The following REG4 variants were observed in gnomAD, a reference collection of about 807,000 sequenced individuals.
REG4 encodes the protein regenerating family member 4.
REG4 carries 16 observed loss-of-function variants against 22.3 expected under a neutral mutation model. The ratio of observed to expected loss-of-function variants is 0.72; its 90% confidence interval spans 0.49 to 1.09. The LOEUF (loss-of-function observed/expected upper bound fraction) is 1.09. Among genes scored for constraint, REG4 ranks in the 50% least tolerant of loss-of-function variants. The pLI, the probability that REG4 is intolerant of heterozygous loss-of-function variation, is 0.00. For synonymous variants in REG4, 71 were observed against 69.2 expected (o/e 1.03, Z -0.13); for missense variants, 214 against 193.9 (o/e 1.10, Z -0.61).
intron 2 of REG4, 70 bp downstream of exon 2, chr1:119,808,633 G>T (rs587772457): frequency 2.1e-4 from 233 of 1,089,460 alleles, no homozygotes; most frequent in Admixed American, 4.6e-4. Context: ...TGGGCAAATG[G>T]ATGACTGTCT....
intron 4 of REG4, 60 bp downstream of exon 4, chr1:119,799,665 A>C (rs1654039057): frequency 9.4e-6 from 15 of 1,589,960 alleles, no homozygotes; most frequent in Admixed American, 1.7e-5. Context: ...GCCATTCCCC[A>C]AAAAGAGGAT....
At chr1:119,803,525 C>T (rs587671338) in intron 2 of REG4, among the ~76,000 whole-genome samples, 1 of 152,302 alleles carries the variant, frequency 6.6e-6, no homozygotes, top group East Asian at 1.9e-4. Flanking sequence ...CAGTGGGTCC[C>T]CTGAACCCAT....
intron 2 of REG4, among the ~76,000 whole-genome samples, chr1:119,806,385 T>C (rs1350825744): frequency 3.3e-5 from 5 of 152,170 alleles, no homozygotes; most frequent in African/African-American, 7.2e-5. Flanking sequence ...AGACATCGTG[T>C]CCCAGGATCC....
intron 3 of REG4, among the ~76,000 whole-genome samples, chr1:119,800,066 T>A (rs1265649418): frequency 1.3e-5 from 2 of 152,134 alleles, no homozygotes; most frequent in Non-Finnish European, 2.9e-5. Flanking sequence ...AAAGAGGCAG[T>A]ACAAGGCCAG....
intron 3 of REG4, chr1:119,802,052 T>C (rs981845604): frequency 6.6e-5 from 10 of 152,386 alleles, no homozygotes; most frequent in African/African-American, 1.9e-4. Flanking sequence ...TCTTCCTCTT[T>C]GTTCCCTCTG....
chr1:119,804,007 C>T (rs947498237), intron 2 of REG4, among the ~76,000 whole-genome samples: 5 of 152,160 alleles, frequency 3.3e-5, no homozygotes, highest in Admixed American at 3.3e-4. Flanking sequence ...GCTTTTCCTG[C>T]TAGTCCATTG....
chr1:119,798,499 T>C lies in REG4; in HGVS notation c.407A>G (p.Asn136Ser). Residue 136 changes from asparagine (N) to serine (S), a missense_variant and splice_region_variant, in exon 5 of 6, where the codon AAC (asparagine) becomes AGC (serine). Coordinates refer to ENST00000256585, the MANE Select transcript of REG4 (RefSeq NM_032044.4). ...AGGGGTGGTGCATTATAACTTACTG[T>C]TATTGGAGCTCATCTCAGCACAGTG... ...NKHCAEMSSN[N>S]NFLTWSSNEC... is the part of the protein sequence containing the mutation. 6.2e-7 allele frequency: 1 copy of C among 1,612,610 alleles called. No homozygotes were observed. Among genetic ancestry groups the C allele is most frequent in the Non-Finnish European group, 8.5e-7 (1 of 1,178,620 alleles).
chr1:119,798,138 C>T (rs1175697495), intron 5 of REG4, among the ~76,000 whole-genome samples: 1 of 152,240 alleles, frequency 6.6e-6, no homozygotes, highest in East Asian at 1.9e-4. Flanking sequence ...CTGTTTTCAC[C>T]ACATATATTT....
intron 1 of REG4, among the ~76,000 whole-genome samples, chr1:119,810,144 A>C (rs1571074853): frequency 6.6e-6 from 1 of 152,146 alleles, no homozygotes; most frequent in African/African-American, 2.4e-5. Context: ...ATTTTCAAAA[A>C]TATTGTTATT....
At chr1:119,795,373 G>C (rs1653905721) in intron 5 of REG4, among the ~76,000 whole-genome samples, 1 of 152,212 alleles carries the variant, frequency 6.6e-6, no homozygotes, top group Non-Finnish European at 1.5e-5. Context: ...GAGGCTCTAA[G>C]AAGCTCCTGT....
At chr1:119,808,413 A>G (rs969203441) in intron 2 of REG4, among the ~76,000 whole-genome samples, 6 of 152,236 alleles carry the variant, frequency 3.9e-5, no homozygotes, top group Non-Finnish European at 7.3e-5. Context: ...GCTAGGCAAC[A>G]GGTGTTTCAA....
intron 3 of REG4, 135 bp from the exon 4 acceptor site, chr1:119,799,997 C>T (rs1227042813): frequency 2.2e-5 from 25 of 1,141,944 alleles, no homozygotes; most frequent in Non-Finnish European, 3.0e-5. Context: ...CTAAGCCCCA[C>T]AGAAGGCTTC....
chr1:119,803,804 C>T (rs1044379835), intron 2 of REG4, among the ~76,000 whole-genome samples: 1 of 152,070 alleles, frequency 6.6e-6, no homozygotes, highest in Non-Finnish European at 1.5e-5. Context: ...GGAACTTGAG[C>T]ATAGGTGGGC....
Position 119,808,782 on chromosome 1 carries a change from C to T in REG4, c.-13G>A. On this transcript the variant is annotated 5_prime_UTR_variant, in exon 2 of 6. Coordinates refer to ENST00000256585, the MANE Select transcript of REG4 (RefSeq NM_032044.4). ...TTCTGGAAGCCATCTTCCTCCTACCCTGAGGATGTAGCTAGTGCAAGGATC... is the reference window on the plus strand; with the variant it reads ...TTCTGGAAGCCATCTTCCTCCTACCTTGAGGATGTAGCTAGTGCAAGGATC... 6.2e-7 allele frequency: 1 copy of T among 1,605,320 alleles called. No homozygotes were observed. The highest frequency in any genetic ancestry group is 8.5e-7 in the Non-Finnish European group (1 of 1,172,300).
chr1:119,795,034 G>A (rs587633613), intron 5 of REG4, among the ~76,000 whole-genome samples: 4 of 152,318 alleles, frequency 2.6e-5, no homozygotes, highest in South Asian at 2.1e-4. Context: ...ATTAAGTCCT[G>A]CAAGAATTTC....
intron 2 of REG4, among the ~76,000 whole-genome samples, chr1:119,807,119 T>A (rs1466842772): frequency 6.6e-6 from 1 of 152,190 alleles, no homozygotes; most frequent in Admixed American, 6.5e-5. Context: ...ACTCACTGAA[T>A]CAATGCCATG....
At chr1:119,798,071 C>T (rs1653983579) in intron 5 of REG4, among the ~76,000 whole-genome samples, 1 of 152,114 alleles carries the variant, frequency 6.6e-6, no homozygotes, top group Admixed American at 6.6e-5. Context: ...CAGGCAAAGA[C>T]CGGCCTTCCA....
At position 119,794,676 on chromosome 1, in the gene REG4, G is replaced by A; in HGVS notation, c.419C>T (p.Thr140Ile). ...CTTGTTGCATTCGTTGCTGCTCCAA[G>A]TTAAAAAGTCTGTAAGAAAATAAAC... is the stretch of plus-strand genomic sequence containing the variant. The part of the protein sequence containing the change: ...AEMSSNNNFL[T>I]WSSNECNKRQ... Residue 140 changes from threonine (T) to isoleucine (I), a missense_variant, in exon 6 of 6, where the codon ACT becomes ATT. Transcript: ENST00000256585. 2 of 1,613,990 alleles carry A rather than the reference G, an allele frequency of 1.2e-6. No homozygotes were observed. The highest frequency in any genetic ancestry group is 1.7e-6 in the Non-Finnish European group (2 of 1,179,852).
At chr1:119,806,072 C>T (rs920949443) in intron 2 of REG4, among the ~76,000 whole-genome samples, 1 of 152,300 alleles carries the variant, frequency 6.6e-6, no homozygotes, top group African/African-American at 2.4e-5. Flanking sequence ...GCTGGGACTA[C>T]AGGCGAGCAC....
Sources: allele counts gnomAD v4.1 joint callset (sites outside exome capture counted in the v4.1 genomes callset), GRCh38; gene constraint gnomAD v4.1.1; transcripts MANE v1.5; gene names NCBI Gene and HGNC (gene_info 2026-07-23, HGNC 2026-07-21).